PLCG1: variants seen among roughly 807,000 people sequenced by gnomAD.
The protein encoded by PLCG1 is phospholipase C gamma 1, also known as 1-phosphatidylinositol 4,5-bisphosphate phosphodiesterase gamma-1.
In PLCG1, 71 loss-of-function variants were observed where a neutral mutation model predicts 177.8. That is an observed-to-expected ratio of 0.40 (90% CI 0.33 to 0.49). The LOEUF is 0.49. PLCG1 is among the 20% of genes least tolerant of loss of function. The pLI is 0.72. For missense variants in PLCG1, 1,281 were observed against 1,709.0 expected (o/e 0.75, Z 4.42); for synonymous variants, 658 against 647.9 (o/e 1.02, Z -0.24).
intron 23 of PLCG1, 35 bp downstream of exon 23, chr20:41,169,561 C>T: frequency 6.6e-7 from 1 of 1,514,490 alleles, no homozygotes; most frequent in Admixed American, 1.7e-5. Context: ...CCCACTGTTC[C>T]CTAGGGTGAG....
chr20:41,169,395 A>G, intron 22 of PLCG1, 62 bp from the exon 23 acceptor site: 2 of 1,282,086 alleles, frequency 1.6e-6, no homozygotes, highest in East Asian at 2.3e-5. Context: ...ATGCACACGG[A>G]TATCCCCTCA....
chr20:41,169,170 AG>A lies in PLCG1; in HGVS notation c.2578del (p.Glu860SerfsTer9). 1 of 1,608,152 alleles carries A rather than the reference AG, an allele frequency of 6.2e-7. No individual in the cohort carries two copies. Among genetic ancestry groups the A allele is most frequent in the Non-Finnish European group, 8.5e-7 (1 of 1,174,614 alleles). ...CAACCCCGTGGCCCTGGAGCCGGAG[AG>A]GGAGGTAAGACCAGAACCACCTGAG... ...MVNPVALEPE[R>X]EHLDENSPLG... On this transcript the variant is annotated frameshift_variant, in exon 22 of 32. Coordinates refer to ENST00000685551, the MANE Select transcript of PLCG1 (RefSeq NM_002660.3). LOFTEE classifies it high-confidence loss of function.
At position 41,176,296 on chromosome 20, in the gene PLCG1, CTT is replaced by C. The variant is rs2036064630; in HGVS notation, c.*1789_*1790del. 1 of 152,182 alleles carries C rather than the reference CTT, an allele frequency of 6.6e-6. No individual in the cohort carries two copies. Among genetic ancestry groups the C allele is most frequent in the African/African-American group, 2.4e-5 (1 of 41,438 alleles). 9.4% of individuals were successfully genotyped at this position (152,182 alleles called of 1,614,324 possible). On this transcript the variant is annotated 3_prime_UTR_variant, in exon 32 of 32. Transcript: ENST00000685551. Reference sequence around the variant, plus strand: ...CGATAGTGCTCAGGTTCTTGTGTGACTTTCTTTTACAGCTTCACAGTCCCAGT... The same window carrying C: ...CGATAGTGCTCAGGTTCTTGTGTGACTCTTTTACAGCTTCACAGTCCCAGT...
At chr20:41,162,382 G>A in intron 4 of PLCG1, 70 bp from the exon 5 acceptor site, 1 of 1,186,016 alleles carries the variant, frequency 8.4e-7, no homozygotes, top group South Asian at 1.2e-5. Flanking sequence ...AGCCCCAGGT[G>A]GGCTCGACCC....
Position 41,166,210 on chromosome 20 carries a change from C to T in PLCG1, c.1816C>T (p.Gln606Ter), listed in dbSNP as rs1396130906. Residue 606 changes from glutamine (Q) to a stop codon, truncating the protein, a stop_gained, in exon 17 of 32, where the codon CAG becomes TAG. Transcript: ENST00000685551. LOFTEE classifies it high-confidence loss of function. This position sits in a 1 kb window ranked among gnomAD's most constrained non-coding sequence, Gnocchi z 8.6. ...TLSFWRNGKV[Q>*]HCRIHSRQDA... Reference sequence around the variant, plus strand: ...CTTCCACAGGCGGAACGGGAAAGTCCAGCACTGCCGTATCCACTCCCGGCA... The same window carrying T: ...CTTCCACAGGCGGAACGGGAAAGTCTAGCACTGCCGTATCCACTCCCGGCA... The T allele has an allele frequency of 1.9e-6, 3 of 1,613,540 alleles. No individual in the cohort carries two copies. Among genetic ancestry groups the T allele is most frequent in the Non-Finnish European group, 2.5e-6 (3 of 1,179,988 alleles).
In PLCG1 at chr20:41,169,261, C is replaced by T. The variant is rs1377731842; in HGVS notation, c.2580+86C>T. The T allele has an allele frequency of 1.2e-5, 13 of 1,060,820 alleles. No individual in the cohort carries two copies. In the African/African-American group the frequency reaches 1.2e-4, roughly 10 times the overall value. 65.7% of individuals were successfully genotyped at this position (1,060,820 alleles called of 1,614,324 possible). The stretch of plus-strand genomic sequence containing the variant: ...CCCATCACACAGTCCCAAGCACGCA[C>T]GTGCATGCACAGACACCTGTCACAT... On this transcript the variant is annotated intron_variant, in intron 22 of 31. Coordinates refer to ENST00000685551, the MANE Select transcript of PLCG1 (RefSeq NM_002660.3).
chr20:41,164,325 C>A lies in PLCG1; in HGVS notation c.1217+124C>A. 2.0e-6 allele frequency: 2 copies of A among 998,516 alleles called. No homozygotes were observed. Among genetic ancestry groups the A allele is most frequent in the Non-Finnish European group, 3.0e-6 (2 of 664,820 alleles). The allele number at this position is 998,516 out of a possible 1,614,324, so 61.9% of individuals were successfully genotyped here. On this transcript the variant is annotated intron_variant, in intron 12 of 31. Transcript: ENST00000685551. This position sits in a 1 kb window ranked among gnomAD's most constrained non-coding sequence, Gnocchi z 6.4. ...TCTCCCTCAGCCTTTCATCTTTGTC[C>A]TTCCTCTTGGCCTCTCCTCGTCACC...
At position 41,163,758 on chromosome 20, in the gene PLCG1, C is replaced by A; in HGVS notation, c.935C>A (p.Ser312Ter). The change falls in exon 10 of 32, where the codon TCG (serine) becomes TAG (stop). Residue 312 changes from serine (S) to a stop codon, truncating the protein, a stop_gained. Coordinates refer to ENST00000685551, the MANE Select transcript of PLCG1 (RefSeq NM_002660.3). LOFTEE classifies it high-confidence loss of function. This position sits in a 1 kb window ranked among gnomAD's most constrained non-coding sequence, Gnocchi z 5.2. ...LFSKENSVWN[S>*]QLDAVCPDTM... ...TCCAAAGAGAACAGTGTGTGGAACT[C>A]GCAGCTGGATGCAGTATGCCCGGAC... 6.2e-7 allele frequency: 1 copy of A among 1,613,484 alleles called. No homozygotes were observed. The highest frequency in any genetic ancestry group is 8.5e-7 in the Non-Finnish European group (1 of 1,179,446).
Position 41,165,189 on chromosome 20 carries a change from G to A in PLCG1, c.1387-56G>A, listed in dbSNP as rs2035640181. The A allele has an allele frequency of 4.4e-6, 7 of 1,607,754 alleles. No individual in the cohort carries two copies. The highest frequency in any genetic ancestry group is 3.4e-6 in the Non-Finnish European group (4 of 1,176,070). ...TCAGCTGTTGGGCCTAAACCTGGGT[G>A]AGGAGGTGGGGTGAGGACTGGGGTC... is the stretch of plus-strand genomic sequence containing the variant. On this transcript the variant is annotated intron_variant, in intron 13 of 31. Coordinates refer to ENST00000685551, the MANE Select transcript of PLCG1 (RefSeq NM_002660.3). The surrounding 1 kb of genome is among the most constrained non-coding windows in gnomAD (Gnocchi z 6.6).
rs1437738610 is a variant in PLCG1, at chr20:41,164,298, C to G, written c.1217+97C>G. On this transcript the variant is annotated intron_variant, in intron 12 of 31. Transcript: ENST00000685551. The surrounding 1 kb of genome is among the most constrained non-coding windows in gnomAD (Gnocchi z 6.4). ...GAAAGACTCCTCAAATGCCCTGTCC[C>G]CTCTCCCTCAGCCTTTCATCTTTGT... 1 of 1,243,796 alleles carries G rather than the reference C, an allele frequency of 8.0e-7. No homozygotes were observed. Among genetic ancestry groups the G allele is most frequent in the Non-Finnish European group, 1.2e-6 (1 of 862,152 alleles). The allele number at this position is 1,243,796 out of a possible 1,614,324, so 77.0% of individuals were successfully genotyped here.
Position 41,165,329 on chromosome 20 carries a change from AAG to A in PLCG1, c.1473_1474del (p.Asn492TrpfsTer29). ...YSENDISNSI[K>X]NGILYLEDPV... ...TGAGAACGACATCAGCAACTCTATC[AAG>A]AATGGCATCCTCTACCTGGAGGACC... On this transcript the variant is annotated frameshift_variant, in exon 14 of 32. Coordinates refer to ENST00000685551, the MANE Select transcript of PLCG1 (RefSeq NM_002660.3). LOFTEE classifies it high-confidence loss of function. This position sits in a 1 kb window ranked among gnomAD's most constrained non-coding sequence, Gnocchi z 6.6. The A allele has an allele frequency of 6.2e-7, 1 of 1,614,114 alleles. No individual in the cohort carries two copies. The highest frequency in any genetic ancestry group is 8.5e-7 in the Non-Finnish European group (1 of 1,180,004).
In PLCG1 at chr20:41,166,183, G is replaced by C; in HGVS notation, c.1800-11G>C. 6.2e-7 allele frequency: 1 copy of C among 1,610,960 alleles called. No homozygotes were observed. The highest frequency in any genetic ancestry group is 8.5e-7 in the Non-Finnish European group (1 of 1,179,332). ...TTTTCCCCAGCCTCCCTCACTCTGTGTCTTCCACAGGCGGAACGGGAAAGT... is the reference window on the plus strand; with the variant it reads ...TTTTCCCCAGCCTCCCTCACTCTGTCTCTTCCACAGGCGGAACGGGAAAGT... On this transcript the variant is annotated splice_polypyrimidine_tract_variant and intron_variant, in intron 16 of 31. Coordinates refer to ENST00000685551, the MANE Select transcript of PLCG1 (RefSeq NM_002660.3). The surrounding 1 kb of genome is among the most constrained non-coding windows in gnomAD (Gnocchi z 8.6).
chr20:41,167,854 G>T lies in PLCG1; in HGVS notation c.2304G>T (p.Glu768Asp). 8 of 1,611,928 alleles carry T rather than the reference G, an allele frequency of 5.0e-6. No individual in the cohort carries two copies. The highest frequency in any genetic ancestry group is 6.8e-6 in the Non-Finnish European group (8 of 1,178,144). Residue 768 changes from glutamate (E) to aspartate (D), a missense_variant and splice_region_variant, in exon 20 of 32, where the codon GAG becomes GAT. Physicochemically the swap from Glu to Asp is conservative, Grantham distance 45. Coordinates refer to ENST00000685551, the MANE Select transcript of PLCG1 (RefSeq NM_002660.3). The surrounding 1 kb of genome is among the most constrained non-coding windows in gnomAD (Gnocchi z 4.4). ...EEALEKIGTA[E>D]PDYGALYEGR... ...ATCCCATTGTGTCCTGTTTCCAGGA[G>T]CCTGACTACGGGGCCCTGTATGAGG...
At position 41,156,706 on chromosome 20, in the gene PLCG1, C is replaced by G. The variant is rs895752780; in HGVS notation, c.218-2900C>G. On this transcript the variant is annotated intron_variant, in intron 1 of 31. Transcript: ENST00000685551. The surrounding 1 kb of genome is among the most constrained non-coding windows in gnomAD (Gnocchi z 5.0). ...GGTATAACGTGTGACTTTCCTACTC[C>G]CCTAAGTAGTTCTCCCCTTCTCAAG... is the stretch of plus-strand genomic sequence containing the variant. Among the ~76,000 whole-genome samples the G allele has an allele frequency of 2.7e-4, 41 of 152,170 alleles. No individual in the cohort carries two copies. The highest frequency in any genetic ancestry group is 8.7e-4 in the African/African-American group (36 of 41,448).
chr20:41,163,404 G>C lies in PLCG1; in HGVS notation c.816G>C (p.Gln272His). ...QGELWAVDRLQVQEFMLSFLR... is the reference protein window; with the variant it reads ...QGELWAVDRLHVQEFMLSFLR... ...AGCTGTGGGCTGTTGATCGCCTCCA[G>C]GTGCAGGAGTTCATGCTCAGCTTCC... The change falls in exon 9 of 32, where the codon CAG (glutamine) becomes CAC (histidine). Residue 272 changes from glutamine (Q) to histidine (H), a missense_variant. By Grantham distance (24) the Gln-to-His change is conservative (BLOSUM62 0). Around this residue, in one of 4 missense-constraint regions of PLCG1, gnomAD observed 374 missense variants for 443.8 expected, o/e 0.84. Transcript: ENST00000685551. The surrounding 1 kb of genome is among the most constrained non-coding windows in gnomAD (Gnocchi z 5.2). 1 of 1,613,452 alleles carries C rather than the reference G, an allele frequency of 6.2e-7. No individual in the cohort carries two copies. Among genetic ancestry groups the C allele is most frequent in the Middle Eastern group, 1.6e-4 (1 of 6,062 alleles).
At position 41,158,277 on chromosome 20, in the gene PLCG1, G is replaced by T. The variant is rs148493421; in HGVS notation, c.218-1329G>T. 2.0e-5 allele frequency among the ~76,000 whole-genome samples: 3 copies of T among 152,272 alleles called. No individual in the cohort carries two copies. In the East Asian group the frequency reaches 5.8e-4, roughly 29 times the overall value. On this transcript the variant is annotated intron_variant, in intron 1 of 31. Transcript: ENST00000685551. ...TTCGGGCTGGAAGGGCTCCTGGGGT[G>T]GGGGCTGGCCAGGCAAATGCTGGCA...
chr20:41,145,861 T>C (rs918686340), intron 1 of PLCG1, among the ~76,000 whole-genome samples: 1 of 152,176 alleles, frequency 6.6e-6, no homozygotes, highest in African/African-American at 2.4e-5. Context: ...GCCCTTAATA[T>C]TCTCGCACCC....
At position 41,173,679 on chromosome 20, in the gene PLCG1, C is replaced by T; in HGVS notation, c.3422C>T (p.Pro1141Leu). Reference protein sequence around the residue: ...VVDNGLNPVWPAKPFHFQISN... With the variant: ...VVDNGLNPVWLAKPFHFQISN... Reference sequence around the variant, plus strand: ...GACAATGGACTCAACCCTGTATGGCCAGCCAAGCCCTTCCACTTCCAGATC... The same window carrying T: ...GACAATGGACTCAACCCTGTATGGCTAGCCAAGCCCTTCCACTTCCAGATC... Residue 1141 changes from proline to leucine, a missense_variant, in exon 29 of 32, where the codon CCA (proline) becomes CTA (leucine). Pro to Leu is a moderately conservative substitution (Grantham distance 98). Around this residue, in one of 4 missense-constraint regions of PLCG1, gnomAD observed 723 missense variants for 1,030.0 expected, o/e 0.70. Transcript: ENST00000685551. This position sits in a 1 kb window ranked among gnomAD's most constrained non-coding sequence, Gnocchi z 6.2. The T allele has an allele frequency of 6.2e-7, 1 of 1,614,184 alleles. No homozygotes were observed. The highest frequency in any genetic ancestry group is 8.5e-7 in the Non-Finnish European group (1 of 1,180,036).
chr20:41,169,950 C>T (rs999944432), intron 23 of PLCG1, among the ~76,000 whole-genome samples, 162 bp from the exon 24 acceptor site: 7 of 152,188 alleles, frequency 4.6e-5, no homozygotes, highest in Admixed American at 4.6e-4. Flanking sequence ...GTAGCGTCGT[C>T]ATCTGTCAAA....
Sources: gnomAD v4.1 joint callset for allele counts (sites outside exome capture counted in the v4.1 genomes callset) on GRCh38, gnomAD v4.1.1 for gene constraint, gnomAD v4.1.1 regional missense constraint, Gnocchi (gnomAD v3.1) non-coding constraint, MANE v1.5 for transcripts, NCBI Gene and HGNC (gene_info 2026-07-23, HGNC 2026-07-21) for gene names.